GRIP1: variants seen among roughly 807,000 people sequenced by gnomAD.
The protein encoded by GRIP1 is glutamate receptor interacting protein 1.
GRIP1 carries 45 observed loss-of-function variants against 129.9 expected under a neutral mutation model. The ratio of observed to expected loss-of-function variants is 0.35; its 90% CI spans 0.27 to 0.44. The LOEUF is 0.44. GRIP1 is among the 20% of genes least tolerant of loss of function. The pLI is 1.00. For synonymous variants in GRIP1, 530 were observed against 520.8 expected, an observed-to-expected ratio of 1.02 and a Z score of -0.24; for missense variants, 1,196 against 1,396.8, an observed-to-expected ratio of 0.86 and a Z score of 2.29.
chr12:66,896,957 C>T lies in GRIP1; in HGVS notation c.58+172093G>A, dbSNP rs999937504. ...GACCTGTTCCGAAGGCAACACGAAG[C>T]TGCTCTGAGAGGCAGTGTCACACAG... On this transcript the variant is annotated intron_variant, in intron 1 of 1. Transcript: ENST00000643019. Among the ~76,000 whole-genome samples the T allele has an allele frequency of 3.3e-5, 5 of 152,338 alleles. 1 individual carries two copies. The highest frequency in any genetic ancestry group is 6.8e-3 in the Middle Eastern group (2 of 294).
intron 7 of GRIP1, among the ~76,000 whole-genome samples, chr12:66,486,269 A>T (rs950262): frequency 0.14 from 21,393 of 150,782 alleles, 1,621 homozygotes; most frequent in Non-Finnish European, 0.18. Context: ...GACATGGTTT[A>T]TATATATATA....
intron 17 of GRIP1, among the ~76,000 whole-genome samples, chr12:66,393,548 T>G (rs1218253272): frequency 6.6e-6 from 1 of 152,154 alleles, no homozygotes; most frequent in East Asian, 1.9e-4. Context: ...TAGCCACTGT[T>G]TTCAACTGTT....
chr12:66,909,955 GT>G (rs547065226), intron 1 of GRIP1, among the ~76,000 whole-genome samples: 1 of 151,950 alleles, frequency 6.6e-6, no homozygotes, highest in Non-Finnish European at 1.5e-5. Flanking sequence ...CACAACTTAA[GT>G]TTTTTTTATC....
intron 1 of GRIP1, among the ~76,000 whole-genome samples, chr12:66,674,734 A>G (rs1167056677): frequency 6.6e-6 from 1 of 152,200 alleles, no homozygotes; most frequent in Non-Finnish European, 1.5e-5. Context: ...GGGTAAGTGT[A>G]AGGAACAATG....
At chr12:66,360,817 G>A (rs570765171) in intron 23 of GRIP1, among the ~76,000 whole-genome samples, 56 of 152,240 alleles carry the variant, frequency 3.7e-4, no homozygotes, top group African/African-American at 1.3e-3. Flanking sequence ...GGATTTTAAG[G>A]GCAATTGCAT....
At chr12:66,479,239 C>G (rs951607817) in intron 7 of GRIP1, among the ~76,000 whole-genome samples, 4 of 151,740 alleles carry the variant, frequency 2.6e-5, no homozygotes, top group Non-Finnish European at 5.9e-5. Context: ...AAGGGGATAT[C>G]ACCACTGATC....
At chr12:66,595,107 C>T (rs1049066448) in intron 2 of GRIP1, among the ~76,000 whole-genome samples, 8 of 152,166 alleles carry the variant, frequency 5.3e-5, no homozygotes, top group African/African-American at 1.9e-4. Context: ...TCTCTGGCCC[C>T]TACCTTAAGA....
intron 1 of GRIP1, among the ~76,000 whole-genome samples, chr12:66,685,586 T>C (rs749672923): frequency 6.6e-6 from 1 of 152,168 alleles, no homozygotes; most frequent in Non-Finnish European, 1.5e-5. Context: ...ATAGCGGTGG[T>C]GGGCTTATGC....
intron 1 of GRIP1, among the ~76,000 whole-genome samples, chr12:66,692,805 G>A (rs374182476): frequency 6.6e-6 from 1 of 152,162 alleles, no homozygotes; most frequent in African/African-American, 2.4e-5. Context: ...GACTGCCTGG[G>A]TTTGAATCTA....
At chr12:66,664,932 T>C (rs1410367440) in intron 1 of GRIP1, among the ~76,000 whole-genome samples, 1 of 152,204 alleles carries the variant, frequency 6.6e-6, no homozygotes, top group African/African-American at 2.4e-5. Flanking sequence ...AATAGGAATT[T>C]TTTTTTCTTT....
intron 1 of GRIP1, among the ~76,000 whole-genome samples, chr12:66,793,900 C>T (rs2038619459): frequency 1.3e-5 from 2 of 152,124 alleles, no homozygotes; most frequent in South Asian, 4.1e-4. Context: ...TAGTATTAGT[C>T]TCATGGAGTT....
At chr12:67,013,116 T>C (rs1265473477) in intron 1 of GRIP1, among the ~76,000 whole-genome samples, 2 of 152,130 alleles carry the variant, frequency 1.3e-5, no homozygotes, top group Non-Finnish European at 2.9e-5. Context: ...TTGGGTAACA[T>C]TTGTTGAGGA....
At chr12:66,773,465 C>T (rs1297885672) in intron 1 of GRIP1, among the ~76,000 whole-genome samples, 3 of 152,100 alleles carry the variant, frequency 2.0e-5, no homozygotes, top group African/African-American at 4.8e-5. Context: ...GAACAGAAAA[C>T]CAAACACCGC....
chr12:66,591,481 T>TC (rs1399200177), intron 2 of GRIP1, among the ~76,000 whole-genome samples: 2 of 151,852 alleles, frequency 1.3e-5, no homozygotes, highest in Non-Finnish European at 2.9e-5. Flanking sequence ...CTTGGTATTT[T>TC]CCCCATGTTG....
In GRIP1 at chr12:66,779,774, A is replaced by C. The variant is rs539104279; in HGVS notation, c.-420+24279T>G. Among the ~76,000 whole-genome samples, 3 of 152,348 alleles carry C rather than the reference A, an allele frequency of 2.0e-5. No homozygotes were observed. In the South Asian group the frequency reaches 6.2e-4, roughly 32 times the overall value. ...GGACCCAGTAAACAAGTAATATCACATAATATGTGCAGTAGTGAAAATAAA... is the reference window on the plus strand; with the variant it reads ...GGACCCAGTAAACAAGTAATATCACCTAATATGTGCAGTAGTGAAAATAAA... On this transcript the variant is annotated intron_variant, in intron 1 of 4. Coordinates refer to the GRIP1 transcript ENST00000538373.
chr12:66,461,392 C>A (rs1352791526), intron 9 of GRIP1, among the ~76,000 whole-genome samples: 1 of 152,132 alleles, frequency 6.6e-6, no homozygotes, highest in African/African-American at 2.4e-5. Flanking sequence ...ATGATGACTG[C>A]CGATTAATTT....
rs71450862 is a variant in GRIP1, at chr12:66,469,845, C to T, written c.725-4423G>A. Among the ~76,000 whole-genome samples the T allele has an allele frequency of 2.5e-3, 385 of 152,234 alleles. 1 individual carries two copies. The highest frequency in any genetic ancestry group is 4.5e-3 in the Non-Finnish European group (306 of 68,000). On this transcript the variant is annotated intron_variant, in intron 7 of 24. Coordinates refer to ENST00000359742, the MANE Select transcript of GRIP1 (RefSeq NM_001366722.1). The stretch of plus-strand genomic sequence containing the variant: ...ACTTAGAACAATTTTTGGATATCTC[C>T]TAGGAACACTGACACATGTCCCAAA...
intron 1 of GRIP1, among the ~76,000 whole-genome samples, chr12:66,623,775 A>G (rs1020348985): frequency 2.0e-5 from 3 of 152,152 alleles, no homozygotes; most frequent in Admixed American, 6.6e-5. Context: ...GACATTTCCT[A>G]TTTGGTTTTT....
chr12:66,627,728 C>G (rs2030254186), intron 1 of GRIP1, among the ~76,000 whole-genome samples: 1 of 152,150 alleles, frequency 6.6e-6, no homozygotes, highest in Non-Finnish European at 1.5e-5. Context: ...GGTGTAGTGA[C>G]TGGTTCAGAG....
Sources: allele counts gnomAD v4.1 joint callset (sites outside exome capture counted in the v4.1 genomes callset), GRCh38; gene constraint gnomAD v4.1.1; transcripts MANE v1.5; gene names NCBI Gene and HGNC (gene_info 2026-07-23, HGNC 2026-07-21).